TMEM182: variants seen among roughly 807,000 people sequenced by gnomAD.
TMEM182 encodes the protein transmembrane protein 182.
A neutral mutation model predicts 26.8 loss-of-function variants in TMEM182; 20 were observed. The ratio of observed to expected loss-of-function variants is 0.75; its 90% CI spans 0.53 to 1.09. TMEM182 has a LOEUF of 1.09. Among genes scored for constraint, TMEM182 ranks in the 50% least tolerant of loss-of-function variants. TMEM182 has a pLI of 0.00. For missense variants in TMEM182, 277 were observed against 275.5 expected (o/e 1.01, Z -0.04); for synonymous variants, 109 against 102.2 (o/e 1.07, Z -0.40).
chr2:102,789,281 A>T (rs1294341980), intron 3 of TMEM182, among the ~76,000 whole-genome samples: 1 of 152,234 alleles, frequency 6.6e-6, no homozygotes, highest in African/African-American at 2.4e-5. Context: ...GTTTATCTTT[A>T]AGCTGCAAAT....
chr2:102,793,509 C>A (rs1341987939), intron 3 of TMEM182, among the ~76,000 whole-genome samples: 1 of 152,144 alleles, frequency 6.6e-6, no homozygotes, highest in African/African-American at 2.4e-5. Context: ...CCCTCAGCAT[C>A]CACATATAAT....
chr2:102,816,763 T>A lies in TMEM182; in HGVS notation c.*1795T>A, dbSNP rs567731751. ...GCATGCCATTAAGTTTTCCAGACGA[T>A]GTTGGATGTATCTGATTAGTTCATG... On this transcript the variant is annotated 3_prime_UTR_variant, in exon 5 of 5. Coordinates refer to ENST00000412401, the MANE Select transcript of TMEM182 (RefSeq NM_144632.5). 3.0e-6 allele frequency: 3 copies of A among 985,682 alleles called. No individual in the cohort carries two copies. The highest frequency in any genetic ancestry group is 3.5e-5 in the African/African-American group (2 of 57,232). 61.1% of individuals were successfully genotyped at this position (985,682 alleles called of 1,614,324 possible). A position where few individuals can be genotyped will look rare whatever the true frequency, so the allele number is the denominator to read the frequency against.
chr2:102,761,809 T>A (rs1458512386), upstream of TMEM182, among the ~76,000 whole-genome samples: 1 of 152,214 alleles, frequency 6.6e-6, no homozygotes, highest in Non-Finnish European at 1.5e-5. Context: ...ATGCTTTCAA[T>A]GACTTCATAA....
At chr2:102,823,410 G>A (rs756617724) in intron 3 of TMEM182, among the ~76,000 whole-genome samples, 33 of 152,086 alleles carry the variant, frequency 2.2e-4, no homozygotes, top group Admixed American at 7.2e-4. Context: ...TCAGCTGACT[G>A]CAACCTCCGC....
intron 3 of TMEM182, among the ~76,000 whole-genome samples, chr2:102,825,538 T>G (rs1281815487): frequency 1.3e-5 from 2 of 152,214 alleles, no homozygotes; most frequent in Admixed American, 1.3e-4. Flanking sequence ...GTCTTTGGCC[T>G]TAGAAACCCC....
chr2:102,739,264 A>G (rs1035355308), intron 1 of TMEM182, among the ~76,000 whole-genome samples: 1 of 152,180 alleles, frequency 6.6e-6, no homozygotes, highest in Non-Finnish European at 1.5e-5. Context: ...GGGATCTTTG[A>G]CTATGGCTAA....
chr2:102,800,831 G>C (rs773655199), intron 4 of TMEM182, among the ~76,000 whole-genome samples: 1 of 149,444 alleles, frequency 6.7e-6, no homozygotes, highest in Non-Finnish European at 1.5e-5. Flanking sequence ...GTGTGTGTGT[G>C]TGTGTGTGTG....
intron 3 of TMEM182, among the ~76,000 whole-genome samples, chr2:102,766,223 A>G (rs1172043359): frequency 1.3e-5 from 2 of 152,196 alleles, no homozygotes; most frequent in African/African-American, 4.8e-5. Context: ...AACTTGAAAA[A>G]CAAAGTAACA....
intron 4 of TMEM182, among the ~76,000 whole-genome samples, chr2:102,804,159 T>C (rs1682260754): frequency 1.3e-5 from 2 of 152,210 alleles, no homozygotes; most frequent in South Asian, 4.1e-4. Flanking sequence ...TTATTTTATT[T>C]TTTAAAACAA....
intron 3 of TMEM182, among the ~76,000 whole-genome samples, chr2:102,824,562 T>C (rs1392456660): frequency 1.3e-5 from 2 of 152,116 alleles, no homozygotes; most frequent in Non-Finnish European, 2.9e-5. Context: ...TGGTGGCTCA[T>C]GCCTGTAATC....
chr2:102,777,924 TGG>T (rs1680992012), intron 3 of TMEM182, among the ~76,000 whole-genome samples: 1 of 151,994 alleles, frequency 6.6e-6, no homozygotes, highest in African/African-American at 2.4e-5. Context: ...TTTTACAGCT[TGG>T]GATATGATCA....
chr2:102,777,282 C>A (rs77453999), intron 3 of TMEM182, among the ~76,000 whole-genome samples: 8,689 of 152,070 alleles, frequency 0.057, 358 homozygotes, highest in South Asian at 0.14. Flanking sequence ...TAGCATTTTA[C>A]ATTTAGATCT....
intron 1 of TMEM182, among the ~76,000 whole-genome samples, chr2:102,737,804 G>A (rs1415392301): frequency 6.6e-6 from 1 of 152,184 alleles, no homozygotes; most frequent in African/African-American, 2.4e-5. Flanking sequence ...ATAGTGACTA[G>A]CCCCTCTTTT....
At chr2:102,842,537 AG>A (rs554201319) in intron 3 of TMEM182, among the ~76,000 whole-genome samples, 75 of 152,122 alleles carry the variant, frequency 4.9e-4, no homozygotes, top group Admixed American at 4.3e-3. Context: ...TCAGAATTGT[AG>A]GGGGGCCCAG....
At chr2:102,797,369 G>A (rs1405434211) in intron 3 of TMEM182, among the ~76,000 whole-genome samples, 1 of 152,144 alleles carries the variant, frequency 6.6e-6, no homozygotes, top group African/African-American at 2.4e-5. Flanking sequence ...GTGGTTAGGG[G>A]CTTGGGGTGA....
At chr2:102,798,665 CCT>C (rs1279963685) in intron 4 of TMEM182, among the ~76,000 whole-genome samples, 4 of 151,794 alleles carry the variant, frequency 2.6e-5, no homozygotes, top group Non-Finnish European at 5.9e-5. Context: ...ATGGTGAAAC[CCT>C]GTTTCTACTA....
intron 3 of TMEM182, among the ~76,000 whole-genome samples, chr2:102,836,094 A>G (rs1402308837): frequency 1.3e-5 from 2 of 152,144 alleles, no homozygotes; most frequent in African/African-American, 4.8e-5. Context: ...TTAGCACTGA[A>G]TAATATTCCA....
At chr2:102,738,229 G>A (rs1679420757) in intron 1 of TMEM182, among the ~76,000 whole-genome samples, 1 of 152,168 alleles carries the variant, frequency 6.6e-6, no homozygotes, top group South Asian at 2.1e-4. Flanking sequence ...CATAGCTAGG[G>A]TGAAATTTTA....
rs183219914 is a variant in TMEM182, at chr2:102,746,833, C to T, written c.-83+9820C>T. Among the ~76,000 whole-genome samples, 849 of 152,270 alleles carry T rather than the reference C, an allele frequency of 5.6e-3. 14 individuals carry two copies. Among genetic ancestry groups the T allele is most frequent in the African/African-American group, 0.019 (796 of 41,538 alleles). The stretch of plus-strand genomic sequence containing the variant: ...CGAACTCCTGAACTTATGATTCGCC[C>T]GTCTCGGCCTCCCAAAGTGCTGAGA... On this transcript the variant is annotated intron_variant, in intron 1 of 5. Transcript: ENST00000409173.
Sources: allele counts gnomAD v4.1 joint callset (sites outside exome capture counted in the v4.1 genomes callset), GRCh38; gene constraint gnomAD v4.1.1; transcripts MANE v1.5; gene names NCBI Gene and HGNC (gene_info 2026-07-23, HGNC 2026-07-21).